DSE: variants seen among roughly 807,000 people sequenced by gnomAD.
DSE encodes the protein dermatan-sulfate epimerase.
A neutral mutation model predicts 84.4 loss-of-function variants in DSE; 36 were observed. The ratio of observed to expected loss-of-function variants is 0.43; its 90% CI spans 0.33 to 0.56. DSE has a LOEUF of 0.56. Ranked by LOEUF, DSE falls within the 20% of genes least tolerant of loss-of-function variation. The pLI is 0.06. For synonymous variants in DSE, 410 were observed against 430.1 expected (o/e 0.95, Z 0.58); for missense variants, 862 against 1,169.6 (o/e 0.74, Z 3.84).
chr6:116,423,660 T>C (rs1224579656), intron 2 of DSE, among the ~76,000 whole-genome samples: 2 of 152,222 alleles, frequency 1.3e-5, no homozygotes, highest in Non-Finnish European at 2.9e-5. Context: ...CAGGATCACA[T>C]TGAATAAGAT....
intron 2 of DSE, among the ~76,000 whole-genome samples, chr6:116,421,459 ATATATTT>A (rs1233360741): frequency 6.5e-5 from 5 of 76,426 alleles, no homozygotes; most frequent in African/African-American, 3.0e-4. Flanking sequence ...ATATATATAT[ATATATTT>A]TTTTTTTTTT....
intron 2 of DSE, among the ~76,000 whole-genome samples, chr6:116,331,168 C>G (rs1486706308): frequency 6.6e-6 from 1 of 152,100 alleles, no homozygotes; most frequent in African/African-American, 2.4e-5. Flanking sequence ...TAATAAACAC[C>G]ATAGAAATAC....
chr6:116,394,164 G>A (rs1459139743), intron 1 of DSE, among the ~76,000 whole-genome samples: 1 of 152,208 alleles, frequency 6.6e-6, no homozygotes, highest in East Asian at 1.9e-4. Context: ...TTATTGAAGA[G>A]TAAAAGATCA....
chr6:116,393,289 C>A (rs1781031660), intron 1 of DSE, among the ~76,000 whole-genome samples: 1 of 152,116 alleles, frequency 6.6e-6, no homozygotes, highest in African/African-American at 2.4e-5. Flanking sequence ...CTTTCCTTTC[C>A]AGTGAGTGAT....
intron 2 of DSE, among the ~76,000 whole-genome samples, chr6:116,313,616 T>A (rs1056589186): frequency 3.3e-5 from 5 of 152,352 alleles, no homozygotes; most frequent in Middle Eastern, 6.8e-3. Flanking sequence ...ACTAAGTGAA[T>A]CACCATTAGA....
At chr6:116,342,985 C>T (rs1373935875) in intron 2 of DSE, among the ~76,000 whole-genome samples, 2 of 152,192 alleles carry the variant, frequency 1.3e-5, no homozygotes, top group African/African-American at 4.8e-5. Context: ...AAATGGCACT[C>T]CTGGAGATTA....
intron 5 of DSE, 62 bp from the exon 6 acceptor site, chr6:116,435,525 C>A: frequency 3.4e-6 from 5 of 1,465,568 alleles, no homozygotes; most frequent in Middle Eastern, 2.5e-4. Context: ...TCCACATTAC[C>A]ATGTTATGTG....
chr6:116,276,679 CTTCA>C (rs1773158550), intron 2 of DSE: 2 of 152,066 alleles, frequency 1.3e-5, no homozygotes, highest in African/African-American at 2.4e-5. Flanking sequence ...ATATGAACAA[CTTCA>C]TTCAAGCATT....
chr6:116,427,028 C>T (rs747639276), intron 3 of DSE, among the ~76,000 whole-genome samples: 23 of 152,110 alleles, frequency 1.5e-4, no homozygotes, highest in African/African-American at 4.1e-4. Flanking sequence ...GTATATTAGC[C>T]GGCATGTTAT....
chr6:116,365,473 T>C (rs1405067918), upstream of DSE, among the ~76,000 whole-genome samples: 1 of 151,606 alleles, frequency 6.6e-6, no homozygotes, highest in Non-Finnish European at 1.5e-5. Context: ...CAGGATGGTC[T>C]CGATCTCCTG....
chr6:116,371,018 G>A lies in DSE; in HGVS notation c.-157G>A, dbSNP rs1029069182. On this transcript the variant is annotated 5_prime_UTR_variant, in exon 1 of 6. Transcript: ENST00000644252. ...GGCGGGGGCGCGGAGGGCTCGGTTC[G>A]GAGGGGGCCGGGAGCCCGGGCGCCC... 1 of 985,562 alleles carries A rather than the reference G, an allele frequency of 1.0e-6. No homozygotes were observed. The highest frequency in any genetic ancestry group is 1.2e-6 in the Non-Finnish European group (1 of 830,238). 61.1% of individuals were successfully genotyped at this position (985,562 alleles called of 1,614,324 possible). A position where few individuals can be genotyped will look rare whatever the true frequency, so the allele number is the denominator to read the frequency against.
intron 2 of DSE, among the ~76,000 whole-genome samples, chr6:116,269,092 C>T (rs2114611462): frequency 6.6e-6 from 1 of 151,830 alleles, no homozygotes; most frequent in African/African-American, 2.4e-5. Context: ...GAGACAAAGG[C>T]TCTGACCTGA....
At position 116,285,720 on chromosome 6, in the gene DSE, A is replaced by G. The variant is rs577332232; in HGVS notation, c.-54+26753A>G. Among the ~76,000 whole-genome samples, 614 of 152,214 alleles carry G rather than the reference A, an allele frequency of 4.0e-3. 2 individuals carry two copies. The highest frequency in any genetic ancestry group is 0.013 in the African/African-American group (555 of 41,540). The stretch of plus-strand genomic sequence containing the variant: ...GTATGCGGTGTAAGGAAGGGATCCA[A>G]TTTCAGCTTTCTACATATGGCTAGC... On this transcript the variant is annotated intron_variant, in intron 2 of 3. Coordinates refer to the DSE transcript ENST00000430252.
chr6:116,394,431 C>T (rs1258597865), intron 1 of DSE, among the ~76,000 whole-genome samples: 2 of 145,028 alleles, frequency 1.4e-5, no homozygotes, highest in Non-Finnish European at 3.0e-5. Context: ...ATAGCAGTAA[C>T]AGCGTGATTT....
upstream of DSE, among the ~76,000 whole-genome samples, chr6:116,368,296 A>G (rs1368877576): frequency 5.3e-5 from 8 of 152,260 alleles, no homozygotes; most frequent in Non-Finnish European, 1.0e-4. Flanking sequence ...ACTGATAAGA[A>G]TGTTCATCAG....
chr6:116,420,753 A>G (rs900185270), intron 2 of DSE, among the ~76,000 whole-genome samples: 2 of 152,230 alleles, frequency 1.3e-5, no homozygotes, highest in South Asian at 2.1e-4. Context: ...TAGACTGTCT[A>G]TATCAAAACT....
At chr6:116,279,958 C>T (rs1376770619) in intron 2 of DSE, 15 of 1,354,914 alleles carry the variant, frequency 1.1e-5, no homozygotes, top group Admixed American at 1.8e-5. Context: ...GTCGTCAGGA[C>T]TGGAGATCTC....
chr6:116,354,742 A>C (rs928681455), intron 2 of DSE, among the ~76,000 whole-genome samples: 7 of 151,880 alleles, frequency 4.6e-5, no homozygotes, highest in African/African-American at 1.7e-4. Context: ...AAAAATTATA[A>C]TTTTCTGTTT....
At chr6:116,424,225 C>T (rs891647084) in intron 2 of DSE, among the ~76,000 whole-genome samples, 2 of 152,186 alleles carry the variant, frequency 1.3e-5, no homozygotes, top group African/African-American at 4.8e-5. Flanking sequence ...AGATGATATT[C>T]CCAACTCCCT....
Sources: gnomAD v4.1 joint callset for allele counts (sites outside exome capture counted in the v4.1 genomes callset) on GRCh38, gnomAD v4.1.1 for gene constraint, MANE v1.5 for transcripts, NCBI Gene and HGNC (gene_info 2026-07-23, HGNC 2026-07-21) for gene names.